Variants in RPP14 observed in about 807,000 individuals in gnomAD.
The protein encoded by RPP14 is ribonuclease P protein subunit p14.
Under a neutral mutation model 17.8 loss-of-function variants are expected in RPP14, and 19 were observed. That is an observed-to-expected ratio of 1.07 (90% CI 0.74 to 1.57). The LOEUF (loss-of-function observed/expected upper bound fraction) is 1.57. Among genes scored for constraint, RPP14 ranks in the 40% most tolerant of loss-of-function variants. The probability of loss-of-function intolerance (pLI) is 0.00; values close to 1 mark genes in which losing one functional copy is unlikely to be tolerated. For missense variants in RPP14, 125 were observed against 140.8 expected (o/e 0.89, Z 0.57); for synonymous variants, 60 against 56.4 (o/e 1.06, Z -0.29).
chr3:58,317,342 C>T (rs3773012), intron 5 of RPP14, 98 bp from the exon 6 acceptor site: 220,956 of 778,570 alleles, frequency 0.28, 39,442 homozygotes, highest in East Asian at 0.79. Context: ...GCTCCTGCAT[C>T]AGCTTTGTTT....
rs1169453289 is a variant in RPP14 at position 58,319,333 on chromosome 3, AT to A, written c.*1838del. On this transcript the variant is annotated 3_prime_UTR_variant, in exon 6 of 6. Transcript: ENST00000295959. Reference sequence around the variant, plus strand: ...TTATGTAAACGGTCTGATCTGTAAAATAGTGGTAGCACATGCCATGTGGGAT... The same window carrying A: ...TTATGTAAACGGTCTGATCTGTAAAAAGTGGTAGCACATGCCATGTGGGAT... 6.6e-6 allele frequency: 1 copy of A among 152,208 alleles called. No individual in the cohort carries two copies. The highest frequency in any genetic ancestry group is 1.5e-5 in the Non-Finnish European group (1 of 68,054). The allele number at this position is 152,208 out of a possible 1,614,324, so 9.4% of individuals were successfully genotyped here.
intron 1 of RPP14, 192 bp from the exon 2 acceptor site, chr3:58,310,117 C>T: frequency 1.8e-6 from 1 of 554,618 alleles, no homozygotes; most frequent in Non-Finnish European, 3.2e-6. Flanking sequence ...GGAGGATCAC[C>T]TGAGCCTCGA....
Position 58,309,770 on chromosome 3 carries a change from T to G in RPP14, c.-21-539T>G, listed in dbSNP as rs574087412. Reference sequence around the variant, plus strand: ...AGCCGGGCGTGGTAGCACATTCCTATAATCCCAGCTACTCGGGAGGCTGAG... The same window carrying G: ...AGCCGGGCGTGGTAGCACATTCCTAGAATCCCAGCTACTCGGGAGGCTGAG... On this transcript the variant is annotated intron_variant, in intron 1 of 5. Transcript: ENST00000295959. 5.9e-5 allele frequency among the ~76,000 whole-genome samples: 9 copies of G among 152,136 alleles called. No individual in the cohort carries two copies. The South Asian group carries it at 1.0e-3, about 18-fold the overall frequency.
At chr3:58,314,979 C>T (rs2097486790) in intron 3 of RPP14, among the ~76,000 whole-genome samples, 1 of 152,158 alleles carries the variant, frequency 6.6e-6, no homozygotes, top group Non-Finnish European at 1.5e-5. Context: ...GCCACCATGC[C>T]TGGCCAGCAG....
In RPP14 at chr3:58,310,380, C is replaced by T. The variant is rs761751734; in HGVS notation, c.51C>T (p.Ser17=). The change falls in exon 2 of 6, where the codon TCC becomes TCT. Residue 17 remains serine (S), a synonymous_variant. Transcript: ENST00000295959. ...TYERVVYKNP[S]EYHYMKVCLE... Reference sequence around the variant, plus strand: ...AAAGAGTAGTTTACAAAAACCCTTCCGAGTACCACTACATGAAAGTCTGCC... The same window carrying T: ...AAAGAGTAGTTTACAAAAACCCTTCTGAGTACCACTACATGAAAGTCTGCC... 4.3e-6 allele frequency: 7 copies of T among 1,614,138 alleles called. No individual in the cohort carries two copies. The highest frequency in any genetic ancestry group is 2.2e-5 in the South Asian group (2 of 91,082).
At chr3:58,313,361 CCAG>C (rs2097484563) in intron 3 of RPP14, among the ~76,000 whole-genome samples, 1 of 152,094 alleles carries the variant, frequency 6.6e-6, no homozygotes, top group Non-Finnish European at 1.5e-5. Flanking sequence ...TTGTCATAGA[CCAG>C]CATTTTAAGC....
At position 58,310,347 on chromosome 3, in the gene RPP14, C is replaced by A. The variant is rs775031652; in HGVS notation, c.18C>A (p.Ala6=). MPAPA[A]TYERVVYKNP... is the part of the protein sequence containing the mutation. Reference sequence around the variant, plus strand: ...TGGAAAAGATGCCTGCCCCTGCTGCCACATATGAAAGAGTAGTTTACAAAA... The same window carrying A: ...TGGAAAAGATGCCTGCCCCTGCTGCAACATATGAAAGAGTAGTTTACAAAA... Residue 6 remains alanine, a synonymous_variant, in exon 2 of 6, where the codon GCC becomes GCA. Transcript: ENST00000295959. 3.1e-6 allele frequency: 5 copies of A among 1,614,120 alleles called. No individual in the cohort carries two copies. The South Asian group carries it at 4.4e-5, about 14-fold the overall frequency.
intron 1 of RPP14, chr3:58,306,733 G>A (rs2097475358): frequency 1.3e-5 from 2 of 152,274 alleles, no homozygotes; most frequent in African/African-American, 4.8e-5. Context: ...TTTTTAAAGT[G>A]ATTGATTTAG....
Position 58,306,297 on chromosome 3 carries a change from TA to T in RPP14, c.-139del, listed in dbSNP as rs1424575560. 4 of 152,316 alleles carry T rather than the reference TA, an allele frequency of 2.6e-5. No individual in the cohort carries two copies. The highest frequency in any genetic ancestry group is 5.9e-5 in the Non-Finnish European group (4 of 68,116). The allele number at this position is 152,316 out of a possible 1,614,324, so 9.4% of individuals were successfully genotyped here. ...GGGCGGGACGAGGAGAAGCCAAACG[TA>T]AAGACACCAGGAGTTTCTCGGGCCC... On this transcript the variant is annotated 5_prime_UTR_variant, in exon 1 of 6. Transcript: ENST00000295959.
Position 58,309,232 on chromosome 3 carries a change from T to A in RPP14, c.-21-1077T>A, listed in dbSNP as rs545084031. On this transcript the variant is annotated intron_variant, in intron 1 of 5. Transcript: ENST00000295959. ...TCTTAGATTTTACTCCTTTATGTCT[T>A]TTCTTTTTCTTTGGATAAAGAGGCA... is the stretch of plus-strand genomic sequence containing the variant. Among the ~76,000 whole-genome samples the A allele has an allele frequency of 5.3e-5, 8 of 152,336 alleles. 1 individual carries two copies. The South Asian group carries it at 1.4e-3, about 28-fold the overall frequency.
At chr3:58,308,475 T>TA (rs2097478146) in intron 1 of RPP14, among the ~76,000 whole-genome samples, 1 of 149,100 alleles carries the variant, frequency 6.7e-6, no homozygotes, top group African/African-American at 2.5e-5. Context: ...TTTTTTTTTT[T>TA]AGTGACAGGG....
Position 58,310,219 on chromosome 3 carries a change from C to CA in RPP14, c.-21-82dup, listed in dbSNP as rs1002160792. 500 of 977,872 alleles carry CA rather than the reference C, an allele frequency of 5.1e-4. 1 individual carries two copies. In the African/African-American group the frequency reaches 5.9e-3, roughly 12 times the overall value. The allele number at this position is 977,872 out of a possible 1,614,324, so 60.6% of individuals were successfully genotyped here. On this transcript the variant is annotated intron_variant, in intron 1 of 5. Coordinates refer to ENST00000295959, the MANE Select transcript of RPP14 (RefSeq NM_007042.6). Reference sequence around the variant, plus strand: ...GAGACCCTGCCTTAAAACAAACAAACAAAAAAAACCCAAATAGGCCAAATT... The same window carrying CA: ...GAGACCCTGCCTTAAAACAAACAAACAAAAAAAAACCCAAATAGGCCAAATT...
intron 5 of RPP14, 62 bp from the exon 6 acceptor site, chr3:58,317,378 C>A: frequency 1.8e-6 from 2 of 1,088,608 alleles, no homozygotes; most frequent in Non-Finnish European, 2.8e-6. Flanking sequence ...GCATGTTTCC[C>A]CATTGCCCTG....
Position 58,310,500 on chromosome 3 carries a change from T to C in RPP14, c.78-7T>C. ...AATATGACTTTTTTTTTTTTCACTT[T>C]TTTTAGAGAATTTCAAGATTGTGGA... On this transcript the variant is annotated splice_polypyrimidine_tract_variant and splice_region_variant and intron_variant, in intron 2 of 5. Transcript: ENST00000295959. 1 of 1,607,776 alleles carries C rather than the reference T, an allele frequency of 6.2e-7. No homozygotes were observed.
At chr3:58,307,465 T>C (rs1032798448) in intron 1 of RPP14, among the ~76,000 whole-genome samples, 1 of 152,216 alleles carries the variant, frequency 6.6e-6, no homozygotes, top group African/African-American at 2.4e-5. Flanking sequence ...GGCTCATGCC[T>C]GTAATCCCAG....
chr3:58,309,918 G>A (rs2097480294), intron 1 of RPP14: 1 of 169,194 alleles, frequency 5.9e-6, no homozygotes, highest in African/African-American at 2.4e-5. Context: ...ATAACAGGAA[G>A]GCCGGGCCTG....
chr3:58,316,607 G>A lies in RPP14; in HGVS notation c.239+16G>A, dbSNP rs750940229. 6.2e-7 allele frequency: 1 copy of A among 1,605,710 alleles called. No homozygotes were observed. Among genetic ancestry groups the A allele is most frequent in the East Asian group, 2.2e-5 (1 of 44,818 alleles). The stretch of plus-strand genomic sequence containing the variant: ...TATGTAGCAGGTATGACAGAGAGTG[G>A]GAAATTTCTAGTATAACAGGGCAGA... On this transcript the variant is annotated intron_variant, in intron 4 of 5. Transcript: ENST00000295959.
At chr3:58,309,647 T>G (rs2097479889) in intron 1 of RPP14, among the ~76,000 whole-genome samples, 1 of 152,194 alleles carries the variant, frequency 6.6e-6, no homozygotes, top group African/African-American at 2.4e-5. Flanking sequence ...ATACCGGCAC[T>G]CTGGGAGGCC....
In RPP14 at chr3:58,318,672, C is replaced by T. The variant is rs2097491114; in HGVS notation, c.*1176C>T. On this transcript the variant is annotated 3_prime_UTR_variant, in exon 6 of 6. Transcript: ENST00000295959. ...CCTGAGTGACAGAGCGAGACCCTGT[C>T]TCAAGAAAGAAGTATTGGGAAGGTT... is the stretch of plus-strand genomic sequence containing the variant. The T allele has an allele frequency of 6.6e-6, 1 of 151,706 alleles. No homozygotes were observed. Among genetic ancestry groups the T allele is most frequent in the Non-Finnish European group, 1.5e-5 (1 of 68,062 alleles). The allele number at this position is 151,706 out of a possible 1,614,324, so 9.4% of individuals were successfully genotyped here. A position where few individuals can be genotyped will look rare whatever the true frequency, so the allele number is the denominator to read the frequency against.
Sources: gnomAD v4.1 joint callset for allele counts (sites outside exome capture counted in the v4.1 genomes callset) on GRCh38, gnomAD v4.1.1 for gene constraint, MANE v1.5 for transcripts, NCBI Gene and HGNC (gene_info 2026-07-23, HGNC 2026-07-21) for gene names.